FMO1: variants seen among roughly 807,000 people sequenced by gnomAD.
FMO1 encodes the protein flavin-containing monooxygenase 1.
FMO1 carries 36 observed loss-of-function variants against 45.4 expected under a neutral mutation model. The ratio of observed to expected loss-of-function variants is 0.79; its 90% CI spans 0.61 to 1.05. The LOEUF is 1.05. FMO1 is among the 50% of genes least tolerant of loss of function. The probability of loss-of-function intolerance (pLI) is 0.00; values close to 1 mark genes in which losing one functional copy is unlikely to be tolerated. For missense variants in FMO1, 615 were observed against 640.3 expected, an observed-to-expected ratio of 0.96 and a Z score of 0.43; for synonymous variants, 228 against 227.2, an observed-to-expected ratio of 1.00 and a Z score of -0.03.
At position 171,278,782 on chromosome 1, in the gene FMO1, G is replaced by C. The variant is rs756714478; in HGVS notation, c.538G>C (p.Asp180His). 3.1e-6 allele frequency: 5 copies of C among 1,611,568 alleles called. No homozygotes were observed. Among genetic ancestry groups the C allele is most frequent in the Non-Finnish European group, 4.2e-6 (5 of 1,178,150 alleles). The change falls in exon 5 of 9, where the codon GAT (aspartate) becomes CAT (histidine). Residue 180 changes from aspartate to histidine, a missense_variant. Coordinates refer to ENST00000617670, the MANE Select transcript of FMO1 (RefSeq NM_001282693.2). ...YFHSRQYKHPDIFKDKRVLVI... is the reference protein window; with the variant it reads ...YFHSRQYKHPHIFKDKRVLVI... Reference sequence around the variant, plus strand: ...TCATAGCCGGCAATATAAGCATCCAGATATATTTAAGGACAAGAGAGTCCT... The same window carrying C: ...TCATAGCCGGCAATATAAGCATCCACATATATTTAAGGACAAGAGAGTCCT...
chr1:171,278,624 T>G, intron 4 of FMO1, 105 bp from the exon 5 acceptor site: 2 of 886,900 alleles, frequency 2.3e-6, no homozygotes, highest in Non-Finnish European at 3.3e-6. Context: ...CTAGTAAAAA[T>G]GACCAAAATC....
intron 2 of FMO1, among the ~76,000 whole-genome samples, chr1:171,264,991 T>G (rs1002194123): frequency 6.6e-6 from 1 of 152,126 alleles, no homozygotes; most frequent in Non-Finnish European, 1.5e-5. Context: ...ACCCAGGCAA[T>G]TCCTAACAAA....
chr1:171,267,558 G>C lies in FMO1; in HGVS notation c.148G>C (p.Gly50Arg), dbSNP rs1660668771. 6.2e-7 allele frequency: 1 copy of C among 1,605,924 alleles called. No homozygotes were observed. Among genetic ancestry groups the C allele is most frequent in the African/African-American group, 1.3e-5 (1 of 74,642 alleles). The change falls in exon 3 of 9, where the codon GGC (glycine) becomes CGC (arginine). Residue 50 changes from glycine to arginine, a missense_variant. Physicochemically the swap from Gly to Arg is moderately radical, Grantham distance 125. Transcript: ENST00000617670. ...LWRFTEHVEE[G>R]RASLYKSVVS... ...GTTTGTACAGGAACATGTTGAAGAA[G>C]GCAGAGCCAGTCTCTACAAGTCTGT...
Position 171,272,257 on chromosome 1 carries a change from G to A in FMO1, c.322-3089G>A, listed in dbSNP as rs186526024. Among the ~76,000 whole-genome samples, 75 of 152,354 alleles carry A rather than the reference G, an allele frequency of 4.9e-4. No homozygotes were observed. In the South Asian group the frequency reaches 5.4e-3, roughly 11 times the overall value. On this transcript the variant is annotated intron_variant, in intron 3 of 8. Transcript: ENST00000617670. ...ACAGAAGTCAAGAATTGAGGTTTGG[G>A]AACCTTCACCTAGATTTCACAGGAT...
Position 171,275,446 on chromosome 1 carries a change from A to G in FMO1, c.422A>G (p.Asp141Gly). ...HEEKQESAIF[D>G]AVMVCTGFLT... ...GAGAAGCAAGAGTCAGCCATCTTTG[A>G]TGCTGTCATGGTCTGCACTGGCTTT... Residue 141 changes from aspartate to glycine, a missense_variant, in exon 4 of 9, where the codon GAT becomes GGT. By Grantham distance (94) the Asp-to-Gly change is moderately conservative. Transcript: ENST00000617670. 1 of 1,613,652 alleles carries G rather than the reference A, an allele frequency of 6.2e-7. No individual in the cohort carries two copies. Among genetic ancestry groups the G allele is most frequent in the Non-Finnish European group, 8.5e-7 (1 of 1,179,592 alleles).
At chr1:171,266,777 C>A (rs1367493017) in intron 2 of FMO1, among the ~76,000 whole-genome samples, 1 of 152,110 alleles carries the variant, frequency 6.6e-6, no homozygotes, top group Non-Finnish European at 1.5e-5. Context: ...AATACAAGAA[C>A]CTTGCCACTG....
chr1:171,273,535 A>G (rs1660962695), intron 3 of FMO1, among the ~76,000 whole-genome samples: 1 of 152,128 alleles, frequency 6.6e-6, no homozygotes, highest in Non-Finnish European at 1.5e-5. Flanking sequence ...TGTTTGAAAC[A>G]AAGTTTCTGT....
At chr1:171,274,057 G>T (rs1660990921) in intron 3 of FMO1, among the ~76,000 whole-genome samples, 1 of 151,322 alleles carries the variant, frequency 6.6e-6, no homozygotes, top group Non-Finnish European at 1.5e-5. Flanking sequence ...GCTGAGGCAG[G>T]AGAATCTCTT....
chr1:171,275,500 C>T lies in FMO1; in HGVS notation c.476C>T (p.Ser159Phe). The T allele has an allele frequency of 6.2e-7, 1 of 1,608,512 alleles. No homozygotes were observed. The highest frequency in any genetic ancestry group is 8.5e-7 in the Non-Finnish European group (1 of 1,177,096). The change falls in exon 4 of 9, where the codon TCC (serine) becomes TTC (phenylalanine). Residue 159 changes from serine to phenylalanine, a missense_variant. Transcript: ENST00000617670. Reference sequence around the variant, plus strand: ...ACTAATCCTTATTTGCCACTGGATTCCTTTCCAGGTACAGCATTTTCTGTA... The same window carrying T: ...ACTAATCCTTATTTGCCACTGGATTTCTTTCCAGGTACAGCATTTTCTGTA... ...FLTNPYLPLD[S>F]FPGINAFKGQ...
chr1:171,271,222 C>T, intron 3 of FMO1: 1 of 925,332 alleles, frequency 1.1e-6, no homozygotes, highest in South Asian at 1.4e-5. Flanking sequence ...CACGACATCA[C>T]TAATGGGCAG....
intron 2 of FMO1, among the ~76,000 whole-genome samples, chr1:171,261,788 A>G (rs1329582238): frequency 6.6e-6 from 1 of 152,220 alleles, no homozygotes; most frequent in East Asian, 1.9e-4. Context: ...GATACTCACA[A>G]TGTCATGACT....
chr1:171,262,735 T>A (rs1319104236), intron 2 of FMO1, among the ~76,000 whole-genome samples: 1 of 152,234 alleles, frequency 6.6e-6, no homozygotes, highest in East Asian at 1.9e-4. Context: ...ACATTTTTAA[T>A]TACTATCATC....
rs1377517193 is a variant in FMO1, at chr1:171,258,193, G to T, written c.106G>T (p.Asp36Tyr). ...LEPTCFERSD[D>Y]LGGLWRFTEH... The stretch of plus-strand genomic sequence containing the variant: ...GCCCACCTGCTTTGAGAGGAGCGAT[G>T]ACCTTGGGGGGCTGTGGAGATTCAC... The change falls in exon 2 of 9, where the codon GAC becomes TAC. Residue 36 changes from aspartate (D) to tyrosine (Y), a missense_variant. Coordinates refer to ENST00000617670, the MANE Select transcript of FMO1 (RefSeq NM_001282693.2). 1 of 1,614,156 alleles carries T rather than the reference G, an allele frequency of 6.2e-7. No individual in the cohort carries two copies.
Position 171,285,689 on chromosome 1 carries a change from A to G in FMO1, c.*145A>G. On this transcript the variant is annotated 3_prime_UTR_variant, in exon 9 of 9. Transcript: ENST00000617670. ...CGCTTCCCTGGCTGGCCCCAGGGCTACCACTGGTATTCCTGAGCCTCTCCC... is the reference window on the plus strand; with the variant it reads ...CGCTTCCCTGGCTGGCCCCAGGGCTGCCACTGGTATTCCTGAGCCTCTCCC... 2.3e-6 allele frequency: 1 copy of G among 444,340 alleles called. No homozygotes were observed. Among genetic ancestry groups the G allele is most frequent in the East Asian group, 3.5e-5 (1 of 28,760 alleles). The allele number at this position is 444,340 out of a possible 1,614,324, so 27.5% of individuals were successfully genotyped here.
chr1:171,259,186 G>A (rs1157509800), intron 2 of FMO1, among the ~76,000 whole-genome samples: 3 of 152,196 alleles, frequency 2.0e-5, no homozygotes, highest in Admixed American at 6.5e-5. Context: ...GTTACAGAAG[G>A]GTAGAATTTG....
intron 6 of FMO1, 151 bp downstream of exon 6, chr1:171,281,136 T>C (rs1661342926): frequency 1.6e-6 from 1 of 632,094 alleles, no homozygotes; most frequent in East Asian, 2.7e-5. Flanking sequence ...CTAACTGTTC[T>C]TAAGTACTCA....
At chr1:171,277,200 T>G (rs1309099003) in intron 4 of FMO1, among the ~76,000 whole-genome samples, 2 of 152,192 alleles carry the variant, frequency 1.3e-5, no homozygotes, top group East Asian at 1.9e-4. Context: ...GCAGACTTGC[T>G]TAGATGGCAC....
intron 1 of FMO1, among the ~76,000 whole-genome samples, chr1:171,256,222 G>A (rs1208185101): frequency 1.5e-5 from 2 of 136,508 alleles, no homozygotes; most frequent in Admixed American, 1.6e-4. Context: ...GCAGTGAGCC[G>A]AGATCTCACC....
intron 2 of FMO1, among the ~76,000 whole-genome samples, chr1:171,262,257 A>T (rs1221751027): frequency 6.6e-6 from 1 of 152,208 alleles, no homozygotes; most frequent in Non-Finnish European, 1.5e-5. Flanking sequence ...CAACATGACG[A>T]AACCCCATCT....
Sources: allele counts gnomAD v4.1 joint callset (sites outside exome capture counted in the v4.1 genomes callset), GRCh38; gene constraint gnomAD v4.1.1; transcripts MANE v1.5; gene names NCBI Gene and HGNC (gene_info 2026-07-23, HGNC 2026-07-21).